The following KCNJ10 variants were observed in gnomAD, a reference collection of about 807,000 sequenced individuals.
KCNJ10 encodes the protein ATP-sensitive inward rectifier potassium channel 10.
Under a neutral mutation model 22.2 loss-of-function variants are expected in KCNJ10, and 9 were observed. That is an observed-to-expected ratio of 0.40 (90% CI 0.24 to 0.71). The LOEUF (loss-of-function observed/expected upper bound fraction) is 0.71, where lower values mean the gene tolerates loss of function less well. Among genes scored for constraint, KCNJ10 ranks in the 30% least tolerant of loss-of-function variants. The pLI, the probability that KCNJ10 is intolerant of heterozygous loss-of-function variation, is 0.35. For missense variants in KCNJ10, 337 were observed against 482.7 expected, an observed-to-expected ratio of 0.70 and a Z score of 2.83; for synonymous variants, 184 against 187.3, an observed-to-expected ratio of 0.98 and a Z score of 0.15.
Position 160,040,501 on chromosome 1 carries a change from C to A in KCNJ10, c.*892G>T. 2.5e-6 allele frequency: 1 copy of A among 398,626 alleles called. No individual in the cohort carries two copies. Among genetic ancestry groups the A allele is most frequent in the African/African-American group, 2.1e-5 (1 of 48,726 alleles). The allele number at this position is 398,626 out of a possible 1,614,324, so 24.7% of individuals were successfully genotyped here. On this transcript the variant is annotated 3_prime_UTR_variant, in exon 2 of 2. Coordinates refer to ENST00000644903, the MANE Select transcript of KCNJ10 (RefSeq NM_002241.5). ...TGTAATCTGGAATATTATTTTCAGA[C>A]CTTTCCATGGGGCCTGGGTACTGGA...
intron 1 of KCNJ10, among the ~76,000 whole-genome samples, chr1:160,053,756 A>G (rs1648958595): frequency 6.6e-6 from 1 of 152,150 alleles, no homozygotes; most frequent in African/African-American, 2.4e-5. Context: ...CCATGGAAGA[A>G]TAGGCTTTTC....
At chr1:160,055,602 A>T (rs1239823588) in intron 1 of KCNJ10, among the ~76,000 whole-genome samples, 1 of 152,226 alleles carries the variant, frequency 6.6e-6, no homozygotes, top group Non-Finnish European at 1.5e-5. Context: ...CAAAAGGGGC[A>T]TAATAATACA....
chr1:160,041,378 A>C lies in KCNJ10; in HGVS notation c.*15T>G, dbSNP rs1262281935. 1 of 1,609,270 alleles carries C rather than the reference A, an allele frequency of 6.2e-7. No homozygotes were observed. Among genetic ancestry groups the C allele is most frequent in the African/African-American group, 1.3e-5 (1 of 74,906 alleles). On this transcript the variant is annotated 3_prime_UTR_variant, in exon 2 of 2. Coordinates refer to ENST00000644903, the MANE Select transcript of KCNJ10 (RefSeq NM_002241.5). This position sits in a 1 kb window ranked among gnomAD's most constrained non-coding sequence, Gnocchi z 4.4. ...GGAAAAGAGACCAGAGGAATGGGGG[A>C]GTGGGAACAGGTCATCAGACATTGC...
intron 1 of KCNJ10, among the ~76,000 whole-genome samples, chr1:160,069,782 G>C (rs1348618649): frequency 6.6e-6 from 1 of 152,220 alleles, no homozygotes; most frequent in East Asian, 1.9e-4. Flanking sequence ...CATCGGGAAA[G>C]CCCCTTCCTT....
intron 1 of KCNJ10, among the ~76,000 whole-genome samples, chr1:160,064,274 A>G (rs1387381197): frequency 1.3e-5 from 2 of 152,198 alleles, no homozygotes; most frequent in Non-Finnish European, 2.9e-5. Context: ...TAATGCTAAC[A>G]ATACATTATT....
intron 1 of KCNJ10, among the ~76,000 whole-genome samples, chr1:160,062,111 C>T (rs1649214115): frequency 6.6e-6 from 1 of 152,054 alleles, no homozygotes; most frequent in African/African-American, 2.4e-5. Context: ...CCTAGGGCCT[C>T]TCCCCTCTGT....
At chr1:160,044,513 G>A (rs1460151563) in intron 1 of KCNJ10, among the ~76,000 whole-genome samples, 1 of 152,176 alleles carries the variant, frequency 6.6e-6, no homozygotes, top group Non-Finnish European at 1.5e-5. Flanking sequence ...AACAGAAGAA[G>A]TGCTGTAAAA....
intron 1 of KCNJ10, among the ~76,000 whole-genome samples, chr1:160,068,924 T>G (rs1190865254): frequency 6.6e-6 from 1 of 152,140 alleles, no homozygotes; most frequent in African/African-American, 2.4e-5. Context: ...AAATCTCCTG[T>G]CATTATCTCC....
At chr1:160,049,667 T>A (rs1031298847) in intron 1 of KCNJ10, among the ~76,000 whole-genome samples, 2 of 63,286 alleles carry the variant, frequency 3.2e-5, no homozygotes, top group Admixed American at 2.1e-4. Context: ...ATCCAGCATT[T>A]TATTTATTTA....
intron 1 of KCNJ10, 145 bp from the exon 2 acceptor site, chr1:160,042,677 T>A: frequency 1.2e-6 from 1 of 856,164 alleles, no homozygotes; most frequent in Non-Finnish European, 1.9e-6. Context: ...GAGCACTTGC[T>A]ATGTGCCAGG....
At chr1:160,063,602 T>G (rs1571275998) in intron 1 of KCNJ10, 1 of 152,296 alleles carries the variant, frequency 6.6e-6, no homozygotes, top group East Asian at 1.9e-4. Flanking sequence ...AAAGTCTGCT[T>G]CTTTCCCCGT....
At chr1:160,047,086 C>G (rs1648758680) in intron 1 of KCNJ10, among the ~76,000 whole-genome samples, 2 of 152,242 alleles carry the variant, frequency 1.3e-5, no homozygotes, top group Non-Finnish European at 2.9e-5. Flanking sequence ...ACTGCTACCC[C>G]CGGAAGTTCT....
At chr1:160,048,550 C>T (rs1407490530) in intron 1 of KCNJ10, among the ~76,000 whole-genome samples, 2 of 152,224 alleles carry the variant, frequency 1.3e-5, no homozygotes, top group African/African-American at 4.8e-5. Context: ...GCTGCACCCA[C>T]AGGGAAAGTG....
chr1:160,049,055 T>C (rs1648816209), intron 1 of KCNJ10, among the ~76,000 whole-genome samples: 1 of 152,228 alleles, frequency 6.6e-6, no homozygotes, highest in Non-Finnish European at 1.5e-5. Flanking sequence ...ATTAAGATTA[T>C]AATCCTTGTT....
At chr1:160,060,308 G>A (rs914632806) in intron 1 of KCNJ10, among the ~76,000 whole-genome samples, 3 of 152,118 alleles carry the variant, frequency 2.0e-5, no homozygotes, top group African/African-American at 7.2e-5. Flanking sequence ...GCACAGCAGG[G>A]AAAGCTGAAG....
chr1:160,049,746 A>G lies in KCNJ10; in HGVS notation c.1-7214T>C, dbSNP rs7527926. Among the ~76,000 whole-genome samples, 764 of 126,754 alleles carry G rather than the reference A, an allele frequency of 6.0e-3. 11 individuals carry two copies. Among genetic ancestry groups the G allele is most frequent in the African/African-American group, 0.021 (739 of 34,448 alleles). 83.2% of individuals were successfully genotyped at this position (126,754 alleles called of 152,430 possible). ...GTTATCCTAAAGATTAGCACAATGT[A>G]TGACACATAGTAAGTGCTCAAGAAG... On this transcript the variant is annotated intron_variant, in intron 1 of 1. Coordinates refer to ENST00000644903, the MANE Select transcript of KCNJ10 (RefSeq NM_002241.5).
intron 1 of KCNJ10, among the ~76,000 whole-genome samples, chr1:160,052,875 T>C (rs114327238): frequency 0.01 from 1,561 of 152,342 alleles, 22 homozygotes; most frequent in African/African-American, 0.036. Flanking sequence ...CAGGACTAAA[T>C]TTAGTATATT....
intron 1 of KCNJ10, among the ~76,000 whole-genome samples, chr1:160,058,978 C>G (rs1048575583): frequency 6.6e-6 from 1 of 152,220 alleles, no homozygotes; most frequent in Non-Finnish European, 1.5e-5. Flanking sequence ...GGGCTGCTAT[C>G]CCCCTGTGTT....
intron 1 of KCNJ10, among the ~76,000 whole-genome samples, chr1:160,066,274 C>T (rs1490852011): frequency 1.3e-5 from 2 of 152,130 alleles, no homozygotes; most frequent in Non-Finnish European, 2.9e-5. Context: ...GGAGACCCCA[C>T]CTCAAGTGAT....
Sources: gnomAD v4.1 joint callset for allele counts (sites outside exome capture counted in the v4.1 genomes callset) on GRCh38, gnomAD v4.1.1 for gene constraint, Gnocchi (gnomAD v3.1) non-coding constraint, MANE v1.5 for transcripts, NCBI Gene and HGNC (gene_info 2026-07-23, HGNC 2026-07-21) for gene names.